The following IPO5 variants were observed in gnomAD, a reference collection of about 807,000 sequenced individuals.
IPO5 encodes importin-5.
Under a neutral mutation model 143.3 loss-of-function variants are expected in IPO5, and 18 were observed. The observed-to-expected ratio is 0.13, with a 90% CI of 0.09 to 0.19. The LOEUF (loss-of-function observed/expected upper bound fraction) is 0.19. Among genes scored for constraint, IPO5 ranks in the 10% least tolerant of loss-of-function variants. The pLI is 1.00. For missense variants in IPO5, 1,013 were observed against 1,336.9 expected (o/e 0.76, Z 3.78); for synonymous variants, 477 against 465.7 (o/e 1.02, Z -0.31).
chr13:97,993,124 T>G lies in IPO5; in HGVS notation c.812T>G (p.Leu271Arg), dbSNP rs569147655. The change falls in exon 11 of 29, where the codon CTC (leucine) becomes CGC (arginine). Residue 271 changes from leucine (L) to arginine (R), a missense_variant. Leu to Arg is a moderately radical substitution (Grantham distance 102, BLOSUM62 -2). This residue lies in a region of IPO5 where 328 missense variants were observed against 342.0 expected (regional missense o/e 0.96). Coordinates refer to ENST00000651721, the MANE Select transcript of IPO5 (RefSeq NM_002271.6). Reference sequence around the variant, plus strand: ...TTGTAGTTGTGTGGAGACACTAGCCTCAACAATATGCAACGCCAGCTTGCC... The same window carrying G: ...TTGTAGTTGTGTGGAGACACTAGCCGCAACAATATGCAACGCCAGCTTGCC... Reference protein sequence around the residue: ...LSLKLCGDTSLNNMQRQLALE... With the variant: ...LSLKLCGDTSRNNMQRQLALE... The G allele has an allele frequency of 2.0e-5, 33 of 1,614,134 alleles. No homozygotes were observed. Among genetic ancestry groups the G allele is most frequent in the Non-Finnish European group, 2.5e-5 (29 of 1,179,960 alleles).
At chr13:97,964,622 A>T (rs968528291) in intron 2 of IPO5, among the ~76,000 whole-genome samples, 2 of 150,912 alleles carry the variant, frequency 1.3e-5, no homozygotes, top group Non-Finnish European at 3.0e-5. Flanking sequence ...TTGTATTTTT[A>T]CAAAAAAAAG....
At chr13:97,986,938 G>T (rs1267270417) in intron 6 of IPO5, 2 of 152,300 alleles carry the variant, frequency 1.3e-5, no homozygotes, top group Non-Finnish European at 2.9e-5. Flanking sequence ...GAGGTCACTG[G>T]GCTTTTAGTG....
chr13:97,997,178 A>G (rs1028686951), intron 11 of IPO5, among the ~76,000 whole-genome samples: 5 of 152,234 alleles, frequency 3.3e-5, no homozygotes, highest in Admixed American at 6.5e-5. Flanking sequence ...TTGAAATAGT[A>G]CTATAATTTT....
At chr13:97,972,961 A>G (rs1885944452) in intron 3 of IPO5, among the ~76,000 whole-genome samples, 1 of 150,758 alleles carries the variant, frequency 6.6e-6, no homozygotes, top group Admixed American at 6.6e-5. Context: ...CCACCATTTG[A>G]TCTCCTTGGG....
chr13:98,003,652 C>T (rs1888977917), intron 16 of IPO5, among the ~76,000 whole-genome samples: 1 of 152,088 alleles, frequency 6.6e-6, no homozygotes, highest in South Asian at 2.1e-4. Flanking sequence ...GAGTTCGAGA[C>T]CAGCCTGGCC....
intron 18 of IPO5, among the ~76,000 whole-genome samples, chr13:98,008,400 G>A (rs554526846): frequency 6.6e-6 from 1 of 152,270 alleles, no homozygotes; most frequent in African/African-American, 2.4e-5. Context: ...TCTCACTCCT[G>A]TGGAGCAGTG....
At chr13:98,008,977 A>G (rs1322186633) in intron 18 of IPO5, among the ~76,000 whole-genome samples, 3 of 152,222 alleles carry the variant, frequency 2.0e-5, no homozygotes, top group East Asian at 1.9e-4. Flanking sequence ...ATATGCAAAT[A>G]TACATGTATG....
At chr13:97,963,511 A>G (rs1008218090) in intron 2 of IPO5, among the ~76,000 whole-genome samples, 3 of 151,914 alleles carry the variant, frequency 2.0e-5, no homozygotes, top group Non-Finnish European at 4.4e-5. Flanking sequence ...CTGGGACTAC[A>G]GGCATGCACC....
At position 97,953,697 on chromosome 13, in the gene IPO5, C is replaced by T. The variant is rs537792766; in HGVS notation, c.-212C>T. The T allele has an allele frequency of 1.6e-5, 4 of 250,612 alleles. No individual in the cohort carries two copies. Among genetic ancestry groups the T allele is most frequent in the Admixed American group, 1.0e-4 (2 of 19,390 alleles). 15.5% of individuals were successfully genotyped at this position (250,612 alleles called of 1,614,324 possible). On this transcript the variant is annotated 5_prime_UTR_variant, in exon 1 of 29. Coordinates refer to ENST00000651721, the MANE Select transcript of IPO5 (RefSeq NM_002271.6). The stretch of plus-strand genomic sequence containing the variant: ...GATGACCTCCCACAACTGGAGCAGC[C>T]GGGAACAGCTCTGACCACAGTAAGT...
rs150931166 is a variant in IPO5 at position 98,004,321 on chromosome 13, G to A, written c.1497+1284G>A. Among the ~76,000 whole-genome samples, 55 of 152,324 alleles carry A rather than the reference G, an allele frequency of 3.6e-4. No individual in the cohort carries two copies. In the East Asian group the frequency reaches 8.9e-3, roughly 25 times the overall value. ...TGCAATGTCTCAGAAGCCAAAGACA[G>A]AGGACTTATAAACAAAGGCCCAAGT... On this transcript the variant is annotated intron_variant, in intron 16 of 28. Coordinates refer to ENST00000651721, the MANE Select transcript of IPO5 (RefSeq NM_002271.6).
At chr13:97,981,073 A>G (rs1336510140) in intron 4 of IPO5, among the ~76,000 whole-genome samples, 1 of 152,222 alleles carries the variant, frequency 6.6e-6, no homozygotes, top group Non-Finnish European at 1.5e-5. Context: ...TACATAAATT[A>G]TCTCTTCTGG....
chr13:97,958,051 C>CTTAAAGTGACTAATGT, intron 2 of IPO5, among the ~76,000 whole-genome samples: 1 of 152,114 alleles, frequency 6.6e-6, no homozygotes, highest in Admixed American at 6.5e-5. Flanking sequence ...AGAATTACAA[C>CTTAAAGTGACTAATGT]TTAAAGTGAC....
In IPO5 at chr13:98,000,861, A is replaced by T. The variant is rs1283241962; in HGVS notation, c.1108+216A>T. On this transcript the variant is annotated intron_variant, in intron 13 of 28. Coordinates refer to ENST00000651721, the MANE Select transcript of IPO5 (RefSeq NM_002271.6). Reference sequence around the variant, plus strand: ...GTATTTAGATTTGAATTTGAAAATGATGTTATTATTTGAATTTTTATGGAA... The same window carrying T: ...GTATTTAGATTTGAATTTGAAAATGTTGTTATTATTTGAATTTTTATGGAA... 3 of 545,794 alleles carry T rather than the reference A, an allele frequency of 5.5e-6. No individual in the cohort carries two copies. The African/African-American group carries it at 5.6e-5, about 10-fold the overall frequency. 33.8% of individuals were successfully genotyped at this position (545,794 alleles called of 1,614,324 possible).
At chr13:98,004,552 A>C (rs1889058054) in intron 16 of IPO5, among the ~76,000 whole-genome samples, 1 of 152,138 alleles carries the variant, frequency 6.6e-6, no homozygotes, top group Non-Finnish European at 1.5e-5. Context: ...TCCTGCAGTG[A>C]GGCACTATAT....
chr13:97,964,603 A>G (rs1009963093), intron 2 of IPO5, among the ~76,000 whole-genome samples: 2 of 151,664 alleles, frequency 1.3e-5, no homozygotes, highest in Non-Finnish European at 2.9e-5. Flanking sequence ...ACACCCAGCT[A>G]ATTTTTTTTT....
At chr13:98,008,376 A>G (rs565730608) in intron 18 of IPO5, among the ~76,000 whole-genome samples, 14 of 152,222 alleles carry the variant, frequency 9.2e-5, no homozygotes, top group Non-Finnish European at 1.9e-4. Flanking sequence ...TGTGGGTTCT[A>G]TCCAAGGCTC....
intron 12 of IPO5, among the ~76,000 whole-genome samples, chr13:97,999,844 CT>C (rs1888612557): frequency 6.6e-6 from 1 of 152,136 alleles, no homozygotes; most frequent in African/African-American, 2.4e-5. Flanking sequence ...TTTCTATGTT[CT>C]GTTCATTGAT....
intron 12 of IPO5, 47 bp downstream of exon 12, chr13:97,997,665 C>A (rs1170360310): frequency 8.5e-7 from 1 of 1,172,186 alleles, no homozygotes; most frequent in African/African-American, 1.5e-5. Context: ...CCTAGGGCTC[C>A]ACGGTCCATC....
intron 9 of IPO5, among the ~76,000 whole-genome samples, chr13:97,990,789 A>T (rs192544237): frequency 6.6e-6 from 1 of 152,316 alleles, no homozygotes; most frequent in Admixed American, 6.5e-5. Context: ...TTATATGCTT[A>T]TTGTTGAATT....
Sources: gnomAD v4.1 joint callset for allele counts (sites outside exome capture counted in the v4.1 genomes callset) on GRCh38, gnomAD v4.1.1 for gene constraint, gnomAD v4.1.1 regional missense constraint, MANE v1.5 for transcripts, NCBI Gene and HGNC (gene_info 2026-07-23, HGNC 2026-07-21) for gene names.